Variants in PCDHA13 observed in about 807,000 individuals in gnomAD.
PCDHA13 encodes the protein protocadherin alpha-13.
Under a neutral mutation model 64.8 loss-of-function variants are expected in PCDHA13, and 54 were observed. The observed-to-expected ratio is 0.83, with a 90% CI of 0.67 to 1.04. The LOEUF is 1.04. Among genes scored for constraint, PCDHA13 ranks in the 50% least tolerant of loss-of-function variants. PCDHA13 has a pLI of 0.00. For synonymous variants in PCDHA13, 587 were observed against 564.4 expected, an observed-to-expected ratio of 1.04 and a Z score of -0.57; for missense variants, 1,248 against 1,254.3, an observed-to-expected ratio of 0.99 and a Z score of 0.08.
chr5:140,905,047 C>A (rs2071568223), intron 1 of PCDHA13, among the ~76,000 whole-genome samples: 1 of 152,076 alleles, frequency 6.6e-6, no homozygotes, highest in Non-Finnish European at 1.5e-5. Context: ...TTAATTAGGT[C>A]CCATTTATTT....
intron 1 of PCDHA13, among the ~76,000 whole-genome samples, chr5:140,943,863 G>T (rs2093580168): frequency 1.3e-5 from 2 of 152,186 alleles, no homozygotes; most frequent in Admixed American, 1.3e-4. Context: ...TCAAGAAGAG[G>T]TCTCTGAAGT....
In PCDHA13 at chr5:141,005,701, CAAAAAAAA is replaced by C. The variant is rs59860837; in HGVS notation, c.2543-3903_2543-3896del. Among the ~76,000 whole-genome samples, 45 of 7,788 alleles carry C rather than the reference CAAAAAAAA, an allele frequency of 5.8e-3. No individual in the cohort carries two copies. In the East Asian group the frequency reaches 0.064, roughly 11 times the overall value. 5.1% of individuals were successfully genotyped at this position (7,788 alleles called of 152,430 possible). A position where few individuals can be genotyped will look rare whatever the true frequency, so the allele number is the denominator to read the frequency against. On this transcript the variant is annotated intron_variant, in intron 3 of 3. Coordinates refer to ENST00000289272, the MANE Select transcript of PCDHA13 (RefSeq NM_018904.3). ...TGGGCGACAGAGCGAAACTCCGTCT[CAAAAAAAA>C]AAAAAAAAAAAAAAAAAAAAAAGAA...
At chr5:141,007,395 C>CAAAAAAAAAAA (rs35800918) in intron 3 of PCDHA13, among the ~76,000 whole-genome samples, 6 of 94,856 alleles carry the variant, frequency 6.3e-5, no homozygotes, top group South Asian at 3.5e-4. Flanking sequence ...TACTAAAATA[C>CAAAAAAAAAAA]AAAAAAAAAA....
rs1244657512 is a variant in PCDHA13, at chr5:140,884,448, CCACCGAGGGCGCGTGCGCGCCGGG to C, written c.2183_2206del (p.Thr728_Gly735del). 1.9e-6 allele frequency: 3 copies of C among 1,613,716 alleles called. No homozygotes were observed. Among genetic ancestry groups the C allele is most frequent in the Non-Finnish European group, 2.5e-6 (3 of 1,179,832 alleles). ...ACTGCGCTGCGGTGCTCGGCACCGC[CCACCGAGGGCGCGTGCGCGCCGGG>C]CAAGCCCACTCTAGTGTGCTCCAGC... On this transcript the variant is annotated inframe_deletion, in exon 1 of 4. Transcript: ENST00000289272.
intron 1 of PCDHA13, among the ~76,000 whole-genome samples, chr5:140,915,392 A>AT (rs1554196880): frequency 6.6e-6 from 1 of 152,072 alleles, no homozygotes; most frequent in African/African-American, 2.4e-5. Context: ...AGAGCTAGGT[A>AT]TTTCTTATAG....
rs1307653192 is a variant in PCDHA13, at chr5:141,009,883, G to C, written c.2799G>C (p.Lys933Asn). 1.2e-6 allele frequency: 2 copies of C among 1,613,212 alleles called. No individual in the cohort carries two copies. Among genetic ancestry groups the C allele is most frequent in the Non-Finnish European group, 1.7e-6 (2 of 1,179,888 alleles). Reference sequence around the variant, plus strand: ...AGAAGAAAAAGAAGAAGGGTAACAAGACCCAGGAGAAAAAAGAGAAAGGGA... The same window carrying C: ...AGAAGAAAAAGAAGAAGGGTAACAACACCCAGGAGAAAAAAGAGAAAGGGA... ...KKKKKKKKGNKTQEKKEKGNS... is the reference protein window; with the variant it reads ...KKKKKKKKGNNTQEKKEKGNS... The change falls in exon 4 of 4, where the codon AAG becomes AAC. Residue 933 changes from lysine (K) to asparagine (N), a missense_variant. Coordinates refer to ENST00000289272, the MANE Select transcript of PCDHA13 (RefSeq NM_018904.3).
chr5:140,892,507 C>T (rs1261497068), intron 1 of PCDHA13, among the ~76,000 whole-genome samples: 1 of 152,162 alleles, frequency 6.6e-6, no homozygotes, highest in Non-Finnish European at 1.5e-5. Context: ...TTAAGAAGTT[C>T]CACCATGACT....
chr5:140,927,918 CCTGA>C, intron 1 of PCDHA13: 1 of 1,614,220 alleles, frequency 6.2e-7, no homozygotes, highest in Non-Finnish European at 8.5e-7. Context: ...AACTGGACTT[CCTGA>C]CTCTTTCGAA....
intron 3 of PCDHA13, 75 bp from the exon 4 acceptor site, chr5:141,009,552 C>T: frequency 6.4e-7 from 1 of 1,562,176 alleles, no homozygotes; most frequent in Non-Finnish European, 8.7e-7. Context: ...TGCAGTACTC[C>T]TGTACTCTAC....
intron 1 of PCDHA13, among the ~76,000 whole-genome samples, chr5:140,909,547 C>T (rs2074573960): frequency 1.3e-5 from 2 of 152,278 alleles, no homozygotes; most frequent in Non-Finnish European, 2.9e-5. Context: ...GATGGTGGCA[C>T]TAATCTCTGC....
intron 1 of PCDHA13, among the ~76,000 whole-genome samples, chr5:140,902,520 T>C (rs1350068201): frequency 6.6e-6 from 1 of 152,116 alleles, no homozygotes; most frequent in Non-Finnish European, 1.5e-5. Context: ...TATATGGTTT[T>C]TATTATGTTG....
Position 140,883,957 on chromosome 5 carries a change from G to A in PCDHA13, c.1689G>A (p.Pro563=), listed in dbSNP as rs879988838. ...TGCTGGACGAGAACGACAACGCTCC[G>A]GCGCTGCTGACGCCCGGGGCTGGCA... The part of the protein sequence containing the change: ...VFVLDENDNA[P]ALLTPGAGSA... Residue 563 remains proline (P), a synonymous_variant, in exon 1 of 4, where the codon CCG becomes CCA. Coordinates refer to ENST00000289272, the MANE Select transcript of PCDHA13 (RefSeq NM_018904.3). 10 of 1,613,246 alleles carry A rather than the reference G, an allele frequency of 6.2e-6. No individual in the cohort carries two copies. In the East Asian group the frequency reaches 1.3e-4, roughly 22 times the overall value.
chr5:140,925,647 A>AATAATAATC (rs1477954591), intron 1 of PCDHA13, among the ~76,000 whole-genome samples: 5 of 123,794 alleles, frequency 4.0e-5, no homozygotes, highest in Non-Finnish European at 7.0e-5. Flanking sequence ...AAAGTATAAT[A>AATAATAATC]ATAATAATAA....
intron 1 of PCDHA13, among the ~76,000 whole-genome samples, chr5:140,903,353 G>C (rs782739410): frequency 6.6e-5 from 10 of 152,156 alleles, no homozygotes; most frequent in Non-Finnish European, 1.3e-4. Context: ...TAAAAAACAA[G>C]TTTTTCAAAA....
intron 1 of PCDHA13, among the ~76,000 whole-genome samples, chr5:140,944,025 A>C (rs981840753): frequency 6.6e-6 from 1 of 152,236 alleles, no homozygotes; most frequent in Admixed American, 6.5e-5. Flanking sequence ...AATTATCTTC[A>C]AAATATGGAA....
intron 1 of PCDHA13, chr5:140,927,292 C>A: frequency 6.2e-7 from 1 of 1,614,162 alleles, no homozygotes; most frequent in East Asian, 2.2e-5. Flanking sequence ...GCTGCACATC[C>A]CCGAGTTCCT....
rs141079325 is a variant in PCDHA13 at position 140,900,797 on chromosome 5, T to C, written c.2394+16135T>C. Among the ~76,000 whole-genome samples the C allele has an allele frequency of 8.0e-3, 1,218 of 152,324 alleles. 6 individuals carry two copies. Among genetic ancestry groups the C allele is most frequent in the African/African-American group, 0.019 (783 of 41,568 alleles). On this transcript the variant is annotated intron_variant, in intron 1 of 3. Coordinates refer to ENST00000289272, the MANE Select transcript of PCDHA13 (RefSeq NM_018904.3). ...TGAGGAAACTCCAAACTGTTCTCCA[T>C]AGTGCTTGTACTAATTTACATTCCC...
intron 3 of PCDHA13, among the ~76,000 whole-genome samples, chr5:140,988,533 C>G (rs1395075166): frequency 6.6e-6 from 1 of 152,160 alleles, no homozygotes; most frequent in African/African-American, 2.4e-5. Flanking sequence ...CTGGCTCCAT[C>G]CATTCATGAC....
At position 140,882,611 on chromosome 5, in the gene PCDHA13, C is replaced by T; in HGVS notation, c.343C>T (p.Gln115Ter). 6.2e-7 allele frequency: 1 copy of T among 1,614,252 alleles called. No homozygotes were observed. Among genetic ancestry groups the T allele is most frequent in the Non-Finnish European group, 8.5e-7 (1 of 1,180,046 alleles). Residue 115 changes from glutamine to a stop codon, truncating the protein, a stop_gained, in exon 1 of 4, where the codon CAG becomes TAG. Transcript: ENST00000289272. LOFTEE classifies it high-confidence loss of function. ...GGAGGTGATCGTGGACAGGCCTCTG[C>T]AGGTTTTCCATGTGGAGGTGAAGGT... is the stretch of plus-strand genomic sequence containing the variant. ...HLEVIVDRPL[Q>*]VFHVEVKVRD...
Sources: allele counts gnomAD v4.1 joint callset (sites outside exome capture counted in the v4.1 genomes callset), GRCh38; gene constraint gnomAD v4.1.1; transcripts MANE v1.5; gene names NCBI Gene and HGNC (gene_info 2026-07-23, HGNC 2026-07-21).